ADAM12: variants seen among roughly 807,000 people sequenced by gnomAD.
The protein encoded by ADAM12 is disintegrin and metalloproteinase domain-containing protein 12.
A neutral mutation model predicts 106.4 loss-of-function variants in ADAM12; 70 were observed. That is an observed-to-expected ratio of 0.66 (90% CI 0.54 to 0.80). The LOEUF is 0.80. Ranked by LOEUF, ADAM12 falls within the 30% of genes least tolerant of loss-of-function variation. The pLI is 0.00. For synonymous variants in ADAM12, 420 were observed against 433.5 expected (o/e 0.97, Z 0.39); for missense variants, 1,010 against 1,171.9 (o/e 0.86, Z 2.02).
intron 3 of ADAM12, among the ~76,000 whole-genome samples, chr10:126,224,050 C>A (rs1185393756): frequency 6.6e-6 from 1 of 152,174 alleles, no homozygotes; most frequent in African/African-American, 2.4e-5. Context: ...ATGACCCCCA[C>A]CAGCTAAGGC....
intron 2 of ADAM12, among the ~76,000 whole-genome samples, chr10:126,316,495 T>G (rs569509131): frequency 1.1e-4 from 16 of 152,220 alleles, no homozygotes; most frequent in African/African-American, 2.6e-4. Context: ...TGCGCAGGGC[T>G]CAATTTACAT....
At chr10:126,200,760 T>G (rs1470592848) in intron 3 of ADAM12, among the ~76,000 whole-genome samples, 1 of 150,632 alleles carries the variant, frequency 6.6e-6, no homozygotes, top group Non-Finnish European at 1.5e-5. Flanking sequence ...GAGAGGATTC[T>G]CAATAGGTTG....
At position 126,036,269 on chromosome 10, in the gene ADAM12, G is replaced by T. The variant is rs371571003; in HGVS notation, c.2406C>A (p.Asn802Lys). ...ACTGGGGCTGAGGGACATTCAGGCC[G>T]TTGAGGGGTCTGCTGATGTCAACAT... ...CQNVDISRPL[N>K]GLNVPQPQST... Residue 802 changes from asparagine to lysine, a missense_variant, in exon 21 of 23, where the codon AAC (asparagine) becomes AAA (lysine). By Grantham distance (94) the Asn-to-Lys change is moderately conservative. Coordinates refer to ENST00000448723, the MANE Select transcript of ADAM12 (RefSeq NM_001288973.2). 2 of 1,563,164 alleles carry T rather than the reference G, an allele frequency of 1.3e-6. No homozygotes were observed. Among genetic ancestry groups the T allele is most frequent in the South Asian group, 2.4e-5 (2 of 82,670 alleles).
chr10:126,132,007 T>C (rs1181987478), intron 5 of ADAM12, among the ~76,000 whole-genome samples: 1 of 151,326 alleles, frequency 6.6e-6, no homozygotes, highest in African/African-American at 2.4e-5. Flanking sequence ...GTTGGAGTCT[T>C]ACTCTGTCAC....
At chr10:126,203,146 C>CA (rs1322865566) in intron 3 of ADAM12, among the ~76,000 whole-genome samples, 1 of 152,160 alleles carries the variant, frequency 6.6e-6, no homozygotes, top group Admixed American at 6.5e-5. Flanking sequence ...GTAAAAACCA[C>CA]AAAAAACCTT....
intron 3 of ADAM12, among the ~76,000 whole-genome samples, chr10:126,198,626 G>A (rs1957642612): frequency 6.6e-6 from 1 of 152,212 alleles, no homozygotes; most frequent in African/African-American, 2.4e-5. Flanking sequence ...AGCTGTGGGT[G>A]CCGGGGATCT....
chr10:126,379,067 A>G (rs542530455), intron 1 of ADAM12, among the ~76,000 whole-genome samples: 1 of 152,252 alleles, frequency 6.6e-6, no homozygotes, highest in Admixed American at 6.5e-5. Flanking sequence ...CAAAACCAAA[A>G]TAGGAAGGCT....
intron 3 of ADAM12, among the ~76,000 whole-genome samples, chr10:126,220,355 T>G (rs1164845425): frequency 6.6e-6 from 1 of 152,114 alleles, no homozygotes; most frequent in Admixed American, 6.5e-5. Context: ...GGTCAGGGAA[T>G]GCAAGGAACT....
intron 3 of ADAM12, among the ~76,000 whole-genome samples, chr10:126,256,420 C>T (rs1303675779): frequency 6.6e-6 from 1 of 152,216 alleles, no homozygotes; most frequent in Admixed American, 6.5e-5. Context: ...CTCTTCCAGT[C>T]TCCATCTGTA....
chr10:126,099,232 A>C (rs1316508813), intron 9 of ADAM12, among the ~76,000 whole-genome samples: 1 of 152,270 alleles, frequency 6.6e-6, no homozygotes, highest in Non-Finnish European at 1.5e-5. Flanking sequence ...TTTCCTTTAA[A>C]GGAGTCAAAT....
intron 11 of ADAM12, among the ~76,000 whole-genome samples, chr10:126,082,755 A>G (rs1194927811): frequency 6.6e-6 from 1 of 152,160 alleles, no homozygotes; most frequent in Non-Finnish European, 1.5e-5. Context: ...CCAGTTCTAC[A>G]TATTCCTAGT....
intron 8 of ADAM12, among the ~76,000 whole-genome samples, chr10:126,105,346 G>C (rs1955744556): frequency 6.6e-6 from 1 of 152,138 alleles, no homozygotes; most frequent in African/African-American, 2.4e-5. Flanking sequence ...TCCAGTTTGG[G>C]TTTAATATAG....
At chr10:126,234,193 T>A (rs1169666381) in intron 3 of ADAM12, among the ~76,000 whole-genome samples, 1 of 152,204 alleles carries the variant, frequency 6.6e-6, no homozygotes, top group Admixed American at 6.5e-5. Context: ...AGGAAGGCTA[T>A]CAAAATGGAA....
intron 3 of ADAM12, among the ~76,000 whole-genome samples, chr10:126,258,764 T>G (rs1958942776): frequency 6.6e-6 from 1 of 152,112 alleles, no homozygotes; most frequent in Non-Finnish European, 1.5e-5. Context: ...CTCCCACAGG[T>G]GACAGTACTT....
chr10:126,159,307 CA>C (rs3069557), intron 3 of ADAM12, among the ~76,000 whole-genome samples: 32 of 80,592 alleles, frequency 4.0e-4, no homozygotes, highest in African/African-American at 1.6e-3. Context: ...GAGACTCCAT[CA>C]AAAAAAAAAA....
intron 3 of ADAM12, among the ~76,000 whole-genome samples, chr10:126,255,450 C>T (rs943714502): frequency 6.6e-6 from 1 of 152,194 alleles, no homozygotes; most frequent in Non-Finnish European, 1.5e-5. Flanking sequence ...ACCCTTAGAA[C>T]GCAGCCCCTT....
In ADAM12 at chr10:126,203,935, C is replaced by T. The variant is rs987416953; in HGVS notation, c.261-48630G>A. Among the ~76,000 whole-genome samples the T allele has an allele frequency of 5.5e-5, 5 of 91,412 alleles. No homozygotes were observed. The South Asian group carries it at 9.9e-4, about 18-fold the overall frequency. 60.0% of individuals were successfully genotyped at this position (91,412 alleles called of 152,430 possible). A position where few individuals can be genotyped will look rare whatever the true frequency, so the allele number is the denominator to read the frequency against. On this transcript the variant is annotated intron_variant, in intron 3 of 22. Coordinates refer to ENST00000448723, the MANE Select transcript of ADAM12 (RefSeq NM_001288973.2). The stretch of plus-strand genomic sequence containing the variant: ...AAGCAAATCAGAGTGAGTGCGCGCG[C>T]GCGCGTGTGTGTGTGTGTGTGTGTG...
At chr10:126,153,704 T>C (rs1956767316) in intron 4 of ADAM12, among the ~76,000 whole-genome samples, 1 of 152,170 alleles carries the variant, frequency 6.6e-6, no homozygotes, top group Non-Finnish European at 1.5e-5. Flanking sequence ...CTTTAATATT[T>C]TTATTACTTT....
intron 1 of ADAM12, among the ~76,000 whole-genome samples, chr10:126,384,929 T>G (rs1856610668): frequency 6.6e-6 from 1 of 152,218 alleles, no homozygotes; most frequent in South Asian, 2.1e-4. Flanking sequence ...CAATGTCAGA[T>G]GCCAATCACA....
Sources: gnomAD v4.1 joint callset for allele counts (sites outside exome capture counted in the v4.1 genomes callset) on GRCh38, gnomAD v4.1.1 for gene constraint, MANE v1.5 for transcripts, NCBI Gene and HGNC (gene_info 2026-07-23, HGNC 2026-07-21) for gene names.